Variants in UNC13C observed in about 807,000 individuals in gnomAD.
The protein encoded by UNC13C is unc-13 homolog C, also known as protein unc-13 homolog C.
UNC13C carries 174 observed loss-of-function variants against 245.4 expected under a neutral mutation model. The observed-to-expected ratio is 0.71, with a 90% CI of 0.63 to 0.80. UNC13C has a LOEUF of 0.80. Among genes scored for constraint, UNC13C ranks in the 30% least tolerant of loss-of-function variants. UNC13C has a pLI of 0.00. For synonymous variants in UNC13C, 992 were observed against 895.1 expected, an observed-to-expected ratio of 1.11 and a Z score of -1.93; for missense variants, 2,829 against 2,602.9, an observed-to-expected ratio of 1.09 and a Z score of -1.89.
chr15:53,838,690 A>G, the UNC13C span, among the ~76,000 whole-genome samples: 2 of 152,160 alleles, frequency 1.3e-5, no homozygotes, highest in East Asian at 3.9e-4. Context: ...ACTATTTTAT[A>G]AGAGAAATTG....
intron 19 of UNC13C, among the ~76,000 whole-genome samples, chr15:54,444,922 C>A (rs1032060199): frequency 2.0e-5 from 3 of 151,604 alleles, no homozygotes; most frequent in African/African-American, 4.9e-5. Flanking sequence ...CTCATTAACT[C>A]ATCCTTTACA....
intron 2 of UNC13C, among the ~76,000 whole-genome samples, chr15:54,139,560 CTCAT>C (rs1340313910): frequency 1.3e-5 from 2 of 152,164 alleles, no homozygotes; most frequent in African/African-American, 2.4e-5. Flanking sequence ...AATTTTCATG[CTCAT>C]CAACTATGCA....
At chr15:54,091,448 G>A (rs971059462) in intron 2 of UNC13C, among the ~76,000 whole-genome samples, 1 of 152,152 alleles carries the variant, frequency 6.6e-6, no homozygotes, top group East Asian at 1.9e-4. Flanking sequence ...TTAAATTCCT[G>A]TGTTGATTTA....
chr15:54,238,906 G>A (rs1217597123), intron 7 of UNC13C, among the ~76,000 whole-genome samples: 1 of 152,108 alleles, frequency 6.6e-6, no homozygotes, highest in Non-Finnish European at 1.5e-5. Flanking sequence ...ACAGTGATGG[G>A]GTCTCATTCT....
chr15:54,521,930 C>G (rs1895232328), intron 24 of UNC13C, among the ~76,000 whole-genome samples: 1 of 151,962 alleles, frequency 6.6e-6, no homozygotes. Context: ...GAACAGATAC[C>G]CAGGATAGAA....
At chr15:53,901,218 CTTTTTT>C in the UNC13C span, among the ~76,000 whole-genome samples, 1 of 104,828 alleles carries the variant, frequency 9.5e-6, no homozygotes. Context: ...TCATAGATTT[CTTTTTT>C]TTTTTTTTTT....
At chr15:54,610,594 A>C (rs1036214359) in intron 30 of UNC13C, among the ~76,000 whole-genome samples, 1 of 152,194 alleles carries the variant, frequency 6.6e-6, no homozygotes, top group African/African-American at 2.4e-5. Flanking sequence ...TTTAATAACC[A>C]CCAAAATAAT....
chr15:53,846,832 C>A, the UNC13C span, among the ~76,000 whole-genome samples: 132,967 of 152,158 alleles, frequency 0.87, 60,130 homozygotes, highest in Middle Eastern at 0.99. Flanking sequence ...CTTTAGTTAT[C>A]CTGTGGTGAT....
intron 24 of UNC13C, among the ~76,000 whole-genome samples, chr15:54,522,292 G>T (rs62022403): frequency 0.079 from 11,602 of 147,192 alleles, 549 homozygotes; most frequent in Admixed American, 0.14. Flanking sequence ...TCAACATGGT[G>T]AAACCCCATC....
chr15:53,993,947 G>A (rs990014541), intron 1 of UNC13C, among the ~76,000 whole-genome samples: 2 of 152,118 alleles, frequency 1.3e-5, no homozygotes, highest in African/African-American at 4.8e-5. Flanking sequence ...TTTGTGAGAA[G>A]GAGCTTTTGA....
At chr15:54,422,986 GAA>G (rs11341922) in intron 19 of UNC13C, among the ~76,000 whole-genome samples, 8 of 136,548 alleles carry the variant, frequency 5.9e-5, no homozygotes, top group East Asian at 2.2e-4. Flanking sequence ...CACACACAAC[GAA>G]AAAAAAACTT....
At chr15:54,180,443 T>G (rs2033759782) in intron 4 of UNC13C, among the ~76,000 whole-genome samples, 2 of 152,084 alleles carry the variant, frequency 1.3e-5, no homozygotes, top group African/African-American at 4.8e-5. Flanking sequence ...GTTGATATTG[T>G]GAATAGTGTG....
At chr15:54,621,485 T>C (rs1369235315) in intron 30 of UNC13C, among the ~76,000 whole-genome samples, 1 of 112,354 alleles carries the variant, frequency 8.9e-6, no homozygotes, top group Non-Finnish European at 2.0e-5. Flanking sequence ...TAGTCGTTGA[T>C]GTAGTGACAG....
chr15:54,624,728 G>A (rs747378608), intron 32 of UNC13C, among the ~76,000 whole-genome samples: 112 of 152,120 alleles, frequency 7.4e-4, no homozygotes, highest in Non-Finnish European at 1.4e-3. Context: ...GGAGATAGAT[G>A]GAGAAGATTC....
At chr15:53,936,572 G>C in the UNC13C span, among the ~76,000 whole-genome samples, 1 of 152,212 alleles carries the variant, frequency 6.6e-6, no homozygotes, top group Non-Finnish European at 1.5e-5. Context: ...CCTCCTGACT[G>C]GGTGAAACCT....
At chr15:54,332,432 A>T (rs756554587) in intron 15 of UNC13C, among the ~76,000 whole-genome samples, 3 of 151,850 alleles carry the variant, frequency 2.0e-5, no homozygotes, top group Non-Finnish European at 2.9e-5. Flanking sequence ...ACTATGGCCC[A>T]GTCCTCATTT....
chr15:54,048,397 G>T (rs1897131872), intron 2 of UNC13C, among the ~76,000 whole-genome samples: 1 of 152,132 alleles, frequency 6.6e-6, no homozygotes, highest in African/African-American at 2.4e-5. Flanking sequence ...TTTGTATTTT[G>T]CAGCCAATTC....
rs536462944 is a variant in UNC13C at position 54,322,156 on chromosome 15, G to A, written c.4425+61G>A. 743 of 1,427,212 alleles carry A rather than the reference G, an allele frequency of 5.2e-4. 1 individual carries two copies. Among genetic ancestry groups the A allele is most frequent in the Admixed American group, 1.3e-3 (43 of 32,974 alleles). 88.4% of individuals were successfully genotyped at this position (1,427,212 alleles called of 1,614,324 possible). A position where few individuals can be genotyped will look rare whatever the true frequency, so the allele number is the denominator to read the frequency against. ...AGCTTATGGGAGTTACATTTCAAGA[G>A]ACTTTGAACTTAAGATATTCCTGGA... is the stretch of plus-strand genomic sequence containing the variant. On this transcript the variant is annotated intron_variant, in intron 14 of 32. Transcript: ENST00000260323.
At position 54,240,972 on chromosome 15, in the gene UNC13C, G is replaced by A. The variant is rs192067460; in HGVS notation, c.3228+3282G>A. Among the ~76,000 whole-genome samples, 18 of 152,240 alleles carry A rather than the reference G, an allele frequency of 1.2e-4. No homozygotes were observed. In the East Asian group the frequency reaches 1.5e-3, roughly 13 times the overall value. On this transcript the variant is annotated intron_variant, in intron 7 of 32. Coordinates refer to ENST00000260323, the MANE Select transcript of UNC13C (RefSeq NM_001080534.3). ...TGTTTCAGACTGGAAATAAAGTAGC[G>A]AACAACTCAGCCAAAAATCTCTACT...
Sources: gnomAD v4.1 joint callset for allele counts (sites outside exome capture counted in the v4.1 genomes callset) on GRCh38, gnomAD v4.1.1 for gene constraint, MANE v1.5 for transcripts, NCBI Gene and HGNC (gene_info 2026-07-23, HGNC 2026-07-21) for gene names.